USH2A: variants seen among roughly 807,000 people sequenced by gnomAD.
USH2A encodes usherin, also known as Usher syndrome 2A (autosomal recessive, mild).
Under a neutral mutation model 538.9 loss-of-function variants are expected in USH2A, and 443 were observed. The observed-to-expected ratio is 0.82, with a 90% CI of 0.76 to 0.89. The LOEUF (loss-of-function observed/expected upper bound fraction) is 0.89. USH2A is among the 40% of genes least tolerant of loss of function. USH2A has a pLI of 0.00. For missense variants in USH2A, 6,633 were observed against 6,324.8 expected (o/e 1.05, Z -1.65); for synonymous variants, 2,413 against 2,273.5 (o/e 1.06, Z -1.75).
chr1:216,061,197 T>A (rs1475918732), intron 30 of USH2A, among the ~76,000 whole-genome samples: 1 of 152,188 alleles, frequency 6.6e-6, no homozygotes, highest in African/African-American at 2.4e-5. Flanking sequence ...GATAGACAAA[T>A]TCATGAATGG....
At chr1:216,014,796 A>C (rs1668667253) in intron 32 of USH2A, among the ~76,000 whole-genome samples, 1 of 152,218 alleles carries the variant, frequency 6.6e-6, no homozygotes, top group Admixed American at 6.5e-5. Context: ...TGTCAAGCAA[A>C]CTATAATTTA....
At chr1:216,070,383 A>T in intron 29 of USH2A, 91 bp from the exon 30 acceptor site, 2 of 1,160,916 alleles carry the variant, frequency 1.7e-6, no homozygotes, top group Non-Finnish European at 2.6e-6. Flanking sequence ...GCAGTAAATC[A>T]GACTCAACCA....
At chr1:215,675,746 A>G (rs1312690586) in intron 62 of USH2A, 130 bp from the exon 63 acceptor site, 13 of 1,528,598 alleles carry the variant, frequency 8.5e-6, no homozygotes, top group Non-Finnish European at 1.2e-5. Flanking sequence ...AAGTATTCTG[A>G]TATTAATTGG....
intron 67 of USH2A, among the ~76,000 whole-genome samples, chr1:215,644,994 G>A (rs1357556926): frequency 6.6e-6 from 1 of 152,214 alleles, no homozygotes; most frequent in Non-Finnish European, 1.5e-5. Flanking sequence ...TTCACTGCAT[G>A]GAAGGCAGGT....
At chr1:216,121,462 A>G (rs376708585) in intron 21 of USH2A, among the ~76,000 whole-genome samples, 1 of 151,808 alleles carries the variant, frequency 6.6e-6, no homozygotes, top group Admixed American at 6.6e-5. Flanking sequence ...TTTTTTTGCC[A>G]CTCTATTATA....
At chr1:215,663,259 G>C (rs890199786) in intron 64 of USH2A, among the ~76,000 whole-genome samples, 1 of 152,092 alleles carries the variant, frequency 6.6e-6, no homozygotes, top group Non-Finnish European at 1.5e-5. Flanking sequence ...TGAGATCCTG[G>C]GGGGATCGGA....
At chr1:216,063,671 A>T (rs1261035269) in intron 30 of USH2A, among the ~76,000 whole-genome samples, 1 of 152,168 alleles carries the variant, frequency 6.6e-6, no homozygotes, top group Non-Finnish European at 1.5e-5. Context: ...TGAATGAGTG[A>T]CTCCCGTACT....
chr1:216,361,047 TAGAC>T (rs1396021033), intron 4 of USH2A, among the ~76,000 whole-genome samples: 1 of 152,064 alleles, frequency 6.6e-6, no homozygotes, highest in Non-Finnish European at 1.5e-5. Context: ...GGCCCAAGTA[TAGAC>T]AGACAGACAG....
chr1:216,169,531 T>A (rs1035217574), intron 21 of USH2A, among the ~76,000 whole-genome samples: 2 of 152,230 alleles, frequency 1.3e-5, no homozygotes, highest in African/African-American at 4.8e-5. Flanking sequence ...ACCTCTCTAC[T>A]AAATATAATA....
chr1:216,415,993 C>T (rs564359537), intron 3 of USH2A, among the ~76,000 whole-genome samples: 1 of 152,040 alleles, frequency 6.6e-6, no homozygotes, highest in African/African-American at 2.4e-5. Flanking sequence ...TGGTGAAACT[C>T]CTTCTCTACT....
chr1:216,296,467 A>C (rs2102616511), intron 9 of USH2A, among the ~76,000 whole-genome samples: 1 of 152,192 alleles, frequency 6.6e-6, no homozygotes, highest in Non-Finnish European at 1.5e-5. Flanking sequence ...CAGGAAATAC[A>C]AGTTATTGAC....
chr1:216,136,243 C>T (rs143185612), intron 21 of USH2A, among the ~76,000 whole-genome samples: 404 of 152,132 alleles, frequency 2.7e-3, no homozygotes, highest in African/African-American at 9.2e-3. Flanking sequence ...GATTGCTATG[C>T]TATCTCTATA....
chr1:215,880,960 C>T (rs1202350891), intron 41 of USH2A, among the ~76,000 whole-genome samples: 2 of 152,022 alleles, frequency 1.3e-5, no homozygotes, highest in Non-Finnish European at 2.9e-5. Flanking sequence ...CCAAAAATCA[C>T]CTGGGTGTGG....
At chr1:216,001,821 T>C (rs554996435) in intron 32 of USH2A, among the ~76,000 whole-genome samples, 1 of 152,276 alleles carries the variant, frequency 6.6e-6, no homozygotes, top group South Asian at 2.1e-4. Flanking sequence ...GTTAAACATG[T>C]AGGTCACTAG....
intron 64 of USH2A, among the ~76,000 whole-genome samples, chr1:215,666,557 C>T (rs193294616): frequency 5.3e-5 from 8 of 152,240 alleles, no homozygotes; most frequent in Non-Finnish European, 1.2e-4. Context: ...CCTTTTGAAT[C>T]GCAGGGATTC....
chr1:215,997,076 G>A (rs1351956788), intron 34 of USH2A, among the ~76,000 whole-genome samples: 1 of 152,058 alleles, frequency 6.6e-6, no homozygotes, highest in Non-Finnish European at 1.5e-5. Context: ...TTATTATATT[G>A]AAACTGTGAA....
At chr1:216,220,999 A>T (rs1221816148) in intron 14 of USH2A, among the ~76,000 whole-genome samples, 1 of 152,180 alleles carries the variant, frequency 6.6e-6, no homozygotes, top group African/African-American at 2.4e-5. Context: ...GAAATTCGGC[A>T]GAGTTTTTTT....
chr1:215,683,060 C>CT (rs1658291645), intron 61 of USH2A, among the ~76,000 whole-genome samples: 1 of 151,614 alleles, frequency 6.6e-6, no homozygotes, highest in South Asian at 2.1e-4. Flanking sequence ...TCTTTCTTTC[C>CT]TTTTTTTGTA....
intron 67 of USH2A, among the ~76,000 whole-genome samples, 162 bp downstream of exon 67, chr1:215,647,360 C>T (rs1176264403): frequency 6.6e-6 from 1 of 152,144 alleles, no homozygotes; most frequent in African/African-American, 2.4e-5. Flanking sequence ...ATCCAGTAGG[C>T]ATTTTTCCTC....
Sources: gnomAD v4.1 joint callset for allele counts (sites outside exome capture counted in the v4.1 genomes callset) on GRCh38, gnomAD v4.1.1 for gene constraint, MANE v1.5 for transcripts, NCBI Gene and HGNC (gene_info 2026-07-23, HGNC 2026-07-21) for gene names.